FARP1: variants seen among roughly 807,000 people sequenced by gnomAD.
The protein encoded by FARP1 is FERM, ARH/RhoGEF and pleckstrin domain protein 1.
Under a neutral mutation model 128.8 loss-of-function variants are expected in FARP1, and 52 were observed. That is an observed-to-expected ratio of 0.40 (90% CI 0.32 to 0.51). FARP1 has a LOEUF of 0.51. Ranked by LOEUF, FARP1 falls within the 20% of genes least tolerant of loss-of-function variation. FARP1 has a pLI of 0.45. For synonymous variants in FARP1, 580 were observed against 551.8 expected (o/e 1.05, Z -0.72); for missense variants, 1,333 against 1,367.9 (o/e 0.97, Z 0.40).
intron 6 of FARP1, among the ~76,000 whole-genome samples, chr13:98,380,431 A>G (rs1206115467): frequency 1.3e-5 from 2 of 152,072 alleles, no homozygotes; most frequent in Non-Finnish European, 2.9e-5. Flanking sequence ...TGTCTAAAAA[A>G]AAAAAAAGAA....
At chr13:98,254,870 G>C (rs1384310511) in intron 2 of FARP1, among the ~76,000 whole-genome samples, 1 of 151,914 alleles carries the variant, frequency 6.6e-6, no homozygotes, top group Non-Finnish European at 1.5e-5. Flanking sequence ...TCATGGAGAA[G>C]AACCACTAGC....
At chr13:98,427,290 G>A (rs928167917) in intron 17 of FARP1, among the ~76,000 whole-genome samples, 5 of 152,090 alleles carry the variant, frequency 3.3e-5, no homozygotes, top group African/African-American at 9.7e-5. Context: ...ACTGCAGACC[G>A]GCTTCGTTTG....
At chr13:98,216,353 C>G (rs563642409) in intron 2 of FARP1, among the ~76,000 whole-genome samples, 2 of 152,236 alleles carry the variant, frequency 1.3e-5, no homozygotes, top group South Asian at 4.2e-4. Context: ...CCCAGTCTTG[C>G]TTTAAAACCT....
chr13:98,291,385 A>G (rs1564454), intron 2 of FARP1, among the ~76,000 whole-genome samples: 58,928 of 151,920 alleles, frequency 0.39, 11,543 homozygotes, highest in Middle Eastern at 0.42. Flanking sequence ...TGTCTCTGGG[A>G]CGGCAGAGGC....
intron 1 of FARP1, among the ~76,000 whole-genome samples, chr13:98,168,312 C>T (rs1299258582): frequency 1.3e-5 from 2 of 152,288 alleles, no homozygotes; most frequent in African/African-American, 4.8e-5. Flanking sequence ...TCCTTTATCG[C>T]TGAGTTTTGT....
At chr13:98,290,952 A>T (rs1380575484) in intron 2 of FARP1, among the ~76,000 whole-genome samples, 1 of 152,196 alleles carries the variant, frequency 6.6e-6, no homozygotes, top group Non-Finnish European at 1.5e-5. Context: ...ATATGAAAGG[A>T]ACTTGAAATT....
intron 2 of FARP1, among the ~76,000 whole-genome samples, chr13:98,272,696 A>G (rs1566818968): frequency 1.3e-5 from 2 of 152,136 alleles, no homozygotes; most frequent in Admixed American, 1.3e-4. Flanking sequence ...GGTGTCAGAG[A>G]TTAGTGATGT....
intron 2 of FARP1, among the ~76,000 whole-genome samples, chr13:98,317,884 TTCTC>T (rs374052205): frequency 2.0e-5 from 3 of 150,914 alleles, no homozygotes; most frequent in African/African-American, 4.9e-5. Context: ...CCTCCTTTCT[TTCTC>T]TCTCTCTCTC....
intron 3 of FARP1, among the ~76,000 whole-genome samples, chr13:98,362,345 T>C (rs770922803): frequency 6.6e-6 from 1 of 152,218 alleles, no homozygotes; most frequent in Non-Finnish European, 1.5e-5. Flanking sequence ...GCCAAGTTTC[T>C]TGACGAAGCC....
chr13:98,435,327 G>A (rs1245932151), intron 18 of FARP1: 1 of 340,314 alleles, frequency 2.9e-6, no homozygotes, highest in Non-Finnish European at 5.3e-6. Flanking sequence ...TCTAATTGAA[G>A]GACAGCTGTA....
In FARP1 at chr13:98,435,553, CTG is replaced by C. The variant is rs557362177; in HGVS notation, c.2144-19_2144-18del. 178 of 1,589,662 alleles carry C rather than the reference CTG, an allele frequency of 1.1e-4. 1 individual carries two copies. In the African/African-American group the frequency reaches 1.9e-3, roughly 17 times the overall value. ...CCCTGCCTGCCTTTCCCGCTGCAGA[CTG>C]TGTATGTCTTTCCTTCACAGCCGCT... On this transcript the variant is annotated intron_variant, in intron 18 of 26. Coordinates refer to ENST00000319562, the MANE Select transcript of FARP1 (RefSeq NM_005766.4).
chr13:98,406,275 G>C (rs183271750), intron 13 of FARP1: 3 of 152,174 alleles, frequency 2.0e-5, no homozygotes, highest in Admixed American at 6.5e-5. Context: ...TTTGGACCAC[G>C]TCACCTGTAC....
intron 1 of FARP1, among the ~76,000 whole-genome samples, chr13:98,153,297 A>ATATATATTTATATATAAAATATATAAAT (rs1555322251): frequency 8.7e-6 from 1 of 115,000 alleles, no homozygotes; most frequent in Admixed American, 1.1e-4. Flanking sequence ...AATATATATA[A>ATATATATTTATATATAAAATATATAAAT]ATATATTTAT....
At chr13:98,404,967 G>A (rs376390379) in intron 13 of FARP1, 1 of 152,100 alleles carries the variant, frequency 6.6e-6, no homozygotes, top group South Asian at 2.1e-4. Context: ...TAAAAACTGA[G>A]ACCCATTTAA....
intron 2 of FARP1, among the ~76,000 whole-genome samples, chr13:98,262,627 T>C (rs1883936601): frequency 6.6e-6 from 1 of 152,248 alleles, no homozygotes; most frequent in African/African-American, 2.4e-5. Flanking sequence ...ATTTTGTGTT[T>C]ATTGGAATAC....
intron 1 of FARP1, among the ~76,000 whole-genome samples, chr13:98,189,559 G>A (rs1325998715): frequency 6.6e-6 from 1 of 152,120 alleles, no homozygotes; most frequent in Non-Finnish European, 1.5e-5. Flanking sequence ...TGATAAATTA[G>A]TTAACCAGAT....
intron 24 of FARP1, chr13:98,445,586 C>T (rs762632540): frequency 3.3e-5 from 5 of 152,424 alleles, no homozygotes; most frequent in Admixed American, 6.5e-5. Flanking sequence ...CCCCTCAAAA[C>T]GAGTGCTGCT....
intron 18 of FARP1, chr13:98,435,258 G>C (rs1353951675): frequency 5.1e-6 from 1 of 194,456 alleles, no homozygotes; most frequent in Non-Finnish European, 1.0e-5. Flanking sequence ...TCTACCCAGG[G>C]ACAAAATTCA....
intron 11 of FARP1, 86 bp from the exon 12 acceptor site, chr13:98,393,557 C>A (rs1890393192): frequency 1.9e-6 from 2 of 1,076,886 alleles, no homozygotes; most frequent in East Asian, 2.4e-5. Context: ...ATACGTCCAA[C>A]AAAAGGACTT....
Sources: gnomAD v4.1 joint callset for allele counts (sites outside exome capture counted in the v4.1 genomes callset) on GRCh38, gnomAD v4.1.1 for gene constraint, MANE v1.5 for transcripts, NCBI Gene and HGNC (gene_info 2026-07-23, HGNC 2026-07-21) for gene names.